NMD3: variants seen among roughly 807,000 people sequenced by gnomAD.
The protein encoded by NMD3 is NMD3 ribosome export adaptor.
NMD3 carries 47 observed loss-of-function variants against 73.1 expected under a neutral mutation model. The observed-to-expected ratio is 0.64, with a 90% CI of 0.51 to 0.82. The LOEUF (loss-of-function observed/expected upper bound fraction) is 0.82. Among genes scored for constraint, NMD3 ranks in the 40% least tolerant of loss-of-function variants. The pLI is 0.00. For missense variants in NMD3, 554 were observed against 612.5 expected (o/e 0.90, Z 1.01); for synonymous variants, 210 against 194.5 (o/e 1.08, Z -0.66).
chr3:161,229,259 C>T (rs545604814), intron 4 of NMD3, among the ~76,000 whole-genome samples: 2 of 152,278 alleles, frequency 1.3e-5, no homozygotes, highest in South Asian at 4.1e-4. Flanking sequence ...ATTAGTATTC[C>T]TCTGGCTGCT....
intron 2 of NMD3, among the ~76,000 whole-genome samples, 197 bp from the exon 3 acceptor site, chr3:161,224,733 C>A (rs540529389): frequency 3.9e-5 from 6 of 152,010 alleles, no homozygotes; most frequent in Non-Finnish European, 8.8e-5. Context: ...GTGATCTACC[C>A]GCCTCAGCCT....
rs746309169 is a variant in NMD3 at position 161,250,861 on chromosome 3, A to C, written c.1463A>C (p.His488Pro). 6.2e-7 allele frequency: 1 copy of C among 1,612,878 alleles called. No individual in the cohort carries two copies. The highest frequency in any genetic ancestry group is 8.5e-7 in the Non-Finnish European group (1 of 1,179,036). ...ISLAEMLEDL[H>P]ISQDATGEEG... is the part of the protein sequence containing the mutation. Reference sequence around the variant, plus strand: ...CTGGCTGAGATGCTTGAAGACCTTCATATTTCCCAAGATGCCACTGGTGAA... The same window carrying C: ...CTGGCTGAGATGCTTGAAGACCTTCCTATTTCCCAAGATGCCACTGGTGAA... The change falls in exon 16 of 16, where the codon CAT (histidine) becomes CCT (proline). Residue 488 changes from histidine to proline, a missense_variant. His to Pro is a moderately conservative substitution (Grantham distance 77, BLOSUM62 -2). Coordinates refer to ENST00000351193, the MANE Select transcript of NMD3 (RefSeq NM_015938.5).
chr3:161,227,721 A>G (rs1736378898), intron 4 of NMD3, among the ~76,000 whole-genome samples: 1 of 152,148 alleles, frequency 6.6e-6, no homozygotes, highest in South Asian at 2.1e-4. Flanking sequence ...TGCTGGGATT[A>G]CAGGCGTGAG....
In NMD3 at chr3:161,222,072, T is replaced by G. The variant is rs754282603; in HGVS notation, c.44+15T>G. On this transcript the variant is annotated intron_variant, in intron 2 of 15. Transcript: ENST00000351193. ...CCTGGACACATGTGAGTGCGACACT[T>G]CTTCCTTCCCCCTTAAATGTGAAAA... 6.2e-7 allele frequency: 1 copy of G among 1,602,834 alleles called. No individual in the cohort carries two copies. Among genetic ancestry groups the G allele is most frequent in the Non-Finnish European group, 8.5e-7 (1 of 1,172,322 alleles).
At chr3:161,250,357 G>T (rs2108105483) in intron 15 of NMD3, 31 bp downstream of exon 15, 1 of 1,306,086 alleles carries the variant, frequency 7.7e-7, no homozygotes, top group East Asian at 2.3e-5. Flanking sequence ...TAAGTCATTT[G>T]TTCTGTATAT....
chr3:161,250,747 T>A, intron 15 of NMD3, 33 bp from the exon 16 acceptor site: 1 of 1,374,676 alleles, frequency 7.3e-7, no homozygotes, highest in Non-Finnish European at 1.0e-6. Flanking sequence ...ATAAATACTT[T>A]GTATTTATTT....
intron 11 of NMD3, among the ~76,000 whole-genome samples, chr3:161,243,039 T>C (rs1737055171): frequency 6.6e-6 from 1 of 152,128 alleles, no homozygotes; most frequent in Non-Finnish European, 1.5e-5. Context: ...CAGGAATATT[T>C]TTCTACATAA....
chr3:161,225,421 T>G (rs35310734), intron 3 of NMD3, among the ~76,000 whole-genome samples: 49,943 of 151,974 alleles, frequency 0.33, 8,411 homozygotes, highest in East Asian at 0.53. Context: ...TTAGAAGCCA[T>G]GTATGATAAA....
At position 161,240,239 on chromosome 3, in the gene NMD3, G is replaced by A. The variant is rs148859273; in HGVS notation, c.754-807G>A. On this transcript the variant is annotated intron_variant, in intron 9 of 15. Transcript: ENST00000351193. ...ATTCAGTTTAAAAACAGATAATTACGTTGCTGCTTCATGTCTCCCAATATA... is the reference window on the plus strand; with the variant it reads ...ATTCAGTTTAAAAACAGATAATTACATTGCTGCTTCATGTCTCCCAATATA... Among the ~76,000 whole-genome samples, 630 of 152,100 alleles carry A rather than the reference G, an allele frequency of 4.1e-3. 5 individuals carry two copies. The highest frequency in any genetic ancestry group is 0.015 in the African/African-American group (608 of 41,498).
intron 13 of NMD3, among the ~76,000 whole-genome samples, chr3:161,248,625 A>G (rs569053017): frequency 6.6e-6 from 1 of 152,306 alleles, no homozygotes; most frequent in South Asian, 2.1e-4. Flanking sequence ...CTGTTATTCA[A>G]AGCTGAATAA....
chr3:161,234,614 C>G, intron 5 of NMD3, 113 bp from the exon 6 acceptor site: 1 of 818,854 alleles, frequency 1.2e-6, no homozygotes, highest in Non-Finnish European at 1.9e-6. Context: ...GATTGATGTC[C>G]TCAAAGCATT....
intron 9 of NMD3, 145 bp from the exon 10 acceptor site, chr3:161,240,896 ATTCTT>A: frequency 2.1e-6 from 1 of 484,624 alleles, no homozygotes; most frequent in African/African-American, 2.0e-5. Context: ...TTAAGGTCTG[ATTCTT>A]TTCTTTAGTC....
intron 15 of NMD3, 60 bp from the exon 16 acceptor site, chr3:161,250,720 T>G (rs1385039139): frequency 9.8e-7 from 1 of 1,015,364 alleles, no homozygotes; most frequent in Non-Finnish European, 1.4e-6. Flanking sequence ...CAAATATATT[T>G]AATACTTTGT....
At chr3:161,235,346 AC>A (rs945923932) in intron 7 of NMD3, 134 bp downstream of exon 7, 7 of 469,578 alleles carry the variant, frequency 1.5e-5, no homozygotes, top group East Asian at 6.8e-5. Context: ...AAAAAAAAAA[AC>A]AACTTAATTC....
chr3:161,242,696 A>C, intron 11 of NMD3, 43 bp downstream of exon 11: 1 of 1,579,252 alleles, frequency 6.3e-7, no homozygotes, highest in Non-Finnish European at 8.6e-7. Context: ...TTTTCCCCTC[A>C]GTTATTATTG....
chr3:161,247,718 G>A (rs1029591444), intron 13 of NMD3, among the ~76,000 whole-genome samples: 2 of 151,808 alleles, frequency 1.3e-5, no homozygotes, highest in African/African-American at 4.8e-5. Flanking sequence ...GAACCGAGGA[G>A]GTGGAGGTTG....
chr3:161,227,402 T>G, intron 4 of NMD3, 59 bp downstream of exon 4: 1 of 1,030,852 alleles, frequency 9.7e-7, no homozygotes, highest in Non-Finnish European at 1.5e-6. Flanking sequence ...GGTCTCATTT[T>G]CAGAAAATTC....
chr3:161,227,419 G>C (rs900272775), intron 4 of NMD3, 76 bp downstream of exon 4: 1 of 673,348 alleles, frequency 1.5e-6, no homozygotes. Context: ...ATTCTTGTGA[G>C]TAGGTTTTTC....
intron 2 of NMD3, among the ~76,000 whole-genome samples, chr3:161,223,437 A>T (rs1736186895): frequency 6.6e-6 from 1 of 151,448 alleles, no homozygotes; most frequent in Non-Finnish European, 1.5e-5. Flanking sequence ...TAGACTTCCT[A>T]TACTGTTAAA....
Sources: allele counts gnomAD v4.1 joint callset (sites outside exome capture counted in the v4.1 genomes callset), GRCh38; gene constraint gnomAD v4.1.1; transcripts MANE v1.5; gene names NCBI Gene and HGNC (gene_info 2026-07-23, HGNC 2026-07-21).